The following PPP1R9A variants were observed in gnomAD, a reference collection of about 807,000 sequenced individuals.
The protein encoded by PPP1R9A is neurabin-1.
Under a neutral mutation model 141.9 loss-of-function variants are expected in PPP1R9A, and 59 were observed. The observed-to-expected ratio is 0.42, with a 90% CI of 0.34 to 0.52. PPP1R9A has a LOEUF of 0.52. PPP1R9A is among the 20% of genes least tolerant of loss of function. PPP1R9A has a pLI of 0.10. For missense variants in PPP1R9A, 1,444 were observed against 1,611.9 expected (o/e 0.90, Z 1.78); for synonymous variants, 500 against 569.7 (o/e 0.88, Z 1.74).
chr7:95,251,923 A>G (rs2153008532), intron 11 of PPP1R9A, 36 bp from the exon 12 acceptor site: 2 of 1,608,010 alleles, frequency 1.2e-6, no homozygotes, highest in Non-Finnish European at 1.7e-6. Context: ...GGGGAGCGCT[A>G]GTTTAGAGTT....
At position 95,268,657 on chromosome 7, in the gene PPP1R9A, C is replaced by T. The variant is rs758268643; in HGVS notation, c.2773C>T (p.Leu925=). Residue 925 remains leucine (L), a synonymous_variant, in exon 13 of 20, where the codon CTG becomes TTG. Transcript: ENST00000433360. ...NRRQRPSRTR[L]YDSVSSTDGE... is the part of the protein sequence containing the mutation. ...ACGCCAGAGACCCTCTAGGACAAGACTGTATGATAGTGTTAGTTCCACAGA... is the reference window on the plus strand; with the variant it reads ...ACGCCAGAGACCCTCTAGGACAAGATTGTATGATAGTGTTAGTTCCACAGA... 1.2e-6 allele frequency: 2 copies of T among 1,613,262 alleles called. No homozygotes were observed. Among genetic ancestry groups the T allele is most frequent in the East Asian group, 2.2e-5 (1 of 44,878 alleles).
At chr7:95,130,239 T>G (rs1006848525) in intron 4 of PPP1R9A, among the ~76,000 whole-genome samples, 2 of 152,152 alleles carry the variant, frequency 1.3e-5, no homozygotes, top group African/African-American at 4.8e-5. Context: ...GTTTCCCAGC[T>G]GTTCCAGCCT....
At chr7:94,918,706 T>G (rs1370808608) in intron 2 of PPP1R9A, among the ~76,000 whole-genome samples, 1 of 152,118 alleles carries the variant, frequency 6.6e-6, no homozygotes, top group Non-Finnish European at 1.5e-5. Context: ...TCTGTAGACT[T>G]ACTTCTGGAC....
chr7:95,053,351 A>G (rs377162091), intron 2 of PPP1R9A, among the ~76,000 whole-genome samples: 71 of 152,316 alleles, frequency 4.7e-4, no homozygotes, highest in Middle Eastern at 3.4e-3. Flanking sequence ...CAGGGAATAG[A>G]GTGAATGTGG....
At chr7:95,161,626 T>C (rs1462307727) in intron 4 of PPP1R9A, among the ~76,000 whole-genome samples, 5 of 152,208 alleles carry the variant, frequency 3.3e-5, no homozygotes, top group Admixed American at 3.3e-4. Flanking sequence ...TACTTTGTAC[T>C]TTTTATTGTA....
At chr7:94,961,488 G>A (rs1169535190) in intron 2 of PPP1R9A, among the ~76,000 whole-genome samples, 2 of 151,702 alleles carry the variant, frequency 1.3e-5, no homozygotes, top group African/African-American at 4.8e-5. Context: ...TAAGCAAAAG[G>A]TTATGTTTGA....
intron 5 of PPP1R9A, among the ~76,000 whole-genome samples, chr7:95,181,975 A>C (rs537140047): frequency 6.6e-6 from 1 of 151,854 alleles, no homozygotes; most frequent in African/African-American, 2.4e-5. Flanking sequence ...GTGGGGGCTA[A>C]GCTATGAGGA....
intron 5 of PPP1R9A, among the ~76,000 whole-genome samples, chr7:95,191,769 A>G (rs993799816): frequency 1.1e-4 from 17 of 152,110 alleles, no homozygotes; most frequent in Admixed American, 6.5e-4. Flanking sequence ...AGATAAAAAG[A>G]TCACACTATT....
rs1170280252 is a variant in PPP1R9A, at chr7:95,271,875, C to G, written c.3125-2024C>G. Reference sequence around the variant, plus strand: ...TGTTTCTTTTTTCCTGAAATCATACCAATCTAATGTTGGATTTTATGCAGA... The same window carrying G: ...TGTTTCTTTTTTCCTGAAATCATACGAATCTAATGTTGGATTTTATGCAGA... On this transcript the variant is annotated intron_variant, in intron 14 of 19. Transcript: ENST00000433360. Among the ~76,000 whole-genome samples, 3 of 152,052 alleles carry G rather than the reference C, an allele frequency of 2.0e-5. No homozygotes were observed. In the South Asian group the frequency reaches 6.2e-4, roughly 31 times the overall value.
chr7:95,119,156 A>G (rs1177837835), intron 3 of PPP1R9A, among the ~76,000 whole-genome samples: 2 of 152,200 alleles, frequency 1.3e-5, no homozygotes, highest in Non-Finnish European at 2.9e-5. Flanking sequence ...CTAGTAAAGC[A>G]TGATTACAAA....
chr7:95,187,995 T>A (rs1396754718), intron 5 of PPP1R9A, among the ~76,000 whole-genome samples: 1 of 152,192 alleles, frequency 6.6e-6, no homozygotes. Flanking sequence ...TTGGGTAGAA[T>A]GTTCTCTAAA....
chr7:95,204,042 G>A (rs1790163154), intron 7 of PPP1R9A, among the ~76,000 whole-genome samples: 1 of 152,126 alleles, frequency 6.6e-6, no homozygotes, highest in Admixed American at 6.5e-5. Context: ...CCAACAGCAG[G>A]TCTGTATGAT....
chr7:95,163,745 G>C (rs1476615351), intron 5 of PPP1R9A, among the ~76,000 whole-genome samples: 1 of 151,346 alleles, frequency 6.6e-6, no homozygotes, highest in African/African-American at 2.4e-5. Flanking sequence ...GTTTTTTGTA[G>C]TTGTTATTTT....
At chr7:95,262,569 T>C (rs1800596580) in intron 12 of PPP1R9A, among the ~76,000 whole-genome samples, 1 of 152,182 alleles carries the variant, frequency 6.6e-6, no homozygotes, top group Non-Finnish European at 1.5e-5. Context: ...GCGGTATTAC[T>C]GAAGAGTTGT....
chr7:94,938,568 C>CT (rs1044994460), intron 2 of PPP1R9A, among the ~76,000 whole-genome samples: 5 of 151,758 alleles, frequency 3.3e-5, no homozygotes, highest in Admixed American at 2.0e-4. Context: ...TAGCTCTTAT[C>CT]TTTTTTTTCT....
At chr7:95,248,760 A>C (rs556205687) in intron 9 of PPP1R9A, among the ~76,000 whole-genome samples, 44 of 152,304 alleles carry the variant, frequency 2.9e-4, no homozygotes, top group African/African-American at 1.0e-3. Context: ...TAATATCCAC[A>C]GATTAGCACT....
In PPP1R9A at chr7:95,284,308, T is replaced by C; in HGVS notation, c.3587T>C (p.Val1196Ala). ...GGAAGGCATTCTCAACTTATGTCTGTAGTCTGGATCCAAGAAACCAATGTA... is the reference window on the plus strand; with the variant it reads ...GGAAGGCATTCTCAACTTATGTCTGCAGTCTGGATCCAAGAAACCAATGTA... ...IFGRHSQLMS[V>A]VWIQETNNFT... The change falls in exon 17 of 20, where the codon GTA becomes GCA. Residue 1196 changes from valine (V) to alanine (A), a missense_variant. Val to Ala is a moderately conservative substitution (Grantham distance 64, BLOSUM62 0). Transcript: ENST00000433360. 1 of 1,526,132 alleles carries C rather than the reference T, an allele frequency of 6.6e-7. No individual in the cohort carries two copies. 94.5% of individuals were successfully genotyped at this position (1,526,132 alleles called of 1,614,324 possible). A position where few individuals can be genotyped will look rare whatever the true frequency, so the allele number is the denominator to read the frequency against.
chr7:95,024,660 C>G (rs1806541948), intron 2 of PPP1R9A, among the ~76,000 whole-genome samples: 1 of 152,008 alleles, frequency 6.6e-6, no homozygotes, highest in Non-Finnish European at 1.5e-5. Flanking sequence ...TATTTTGAGC[C>G]TATGTGTATC....
chr7:95,046,891 A>G (rs1196369866), intron 2 of PPP1R9A, among the ~76,000 whole-genome samples: 1 of 152,254 alleles, frequency 6.6e-6, no homozygotes, highest in African/African-American at 2.4e-5. Context: ...CCACCTTGGT[A>G]GATAAAGTCT....
Sources: allele counts gnomAD v4.1 joint callset (sites outside exome capture counted in the v4.1 genomes callset), GRCh38; gene constraint gnomAD v4.1.1; transcripts MANE v1.5; gene names NCBI Gene and HGNC (gene_info 2026-07-23, HGNC 2026-07-21).